The following RHBDD1 variants were observed in gnomAD, a reference collection of about 807,000 sequenced individuals.
RHBDD1 encodes the protein rhomboid-related protein 4.
A neutral mutation model predicts 36.3 loss-of-function variants in RHBDD1; 38 were observed. The ratio of observed to expected loss-of-function variants is 1.05; its 90% CI spans 0.81 to 1.37. The LOEUF (loss-of-function observed/expected upper bound fraction) is 1.37, where lower values mean the gene tolerates loss of function less well. RHBDD1 is among the 40% of genes most tolerant of loss of function. RHBDD1 has a pLI of 0.00. For missense variants in RHBDD1, 393 were observed against 377.6 expected, an observed-to-expected ratio of 1.04 and a Z score of -0.34; for synonymous variants, 151 against 136.5, an observed-to-expected ratio of 1.11 and a Z score of -0.74.
chr2:226,887,664 G>C (rs968515694), intron 5 of RHBDD1, among the ~76,000 whole-genome samples: 4 of 152,236 alleles, frequency 2.6e-5, no homozygotes, highest in Non-Finnish European at 5.9e-5. Flanking sequence ...TTTTATAGAT[G>C]TTGAAAATGC....
upstream of RHBDD1, among the ~76,000 whole-genome samples, chr2:226,830,882 C>G (rs1022037816): frequency 2.6e-5 from 4 of 152,148 alleles, no homozygotes; most frequent in Non-Finnish European, 5.9e-5. Flanking sequence ...CTTGCCCAAG[C>G]TGGTCTCAAA....
chr2:226,903,500 A>G (rs1244702597), intron 5 of RHBDD1, among the ~76,000 whole-genome samples: 1 of 152,188 alleles, frequency 6.6e-6, no homozygotes. Context: ...GGTTTCAGCC[A>G]TCCAGTTGGG....
intron 3 of RHBDD1, among the ~76,000 whole-genome samples, chr2:226,863,205 G>T (rs1944016495): frequency 6.6e-6 from 1 of 152,174 alleles, no homozygotes; most frequent in Admixed American, 6.5e-5. Flanking sequence ...CAGGCATGGT[G>T]ACACATGCCT....
chr2:226,854,600 C>CGAA (rs984644092), intron 3 of RHBDD1, among the ~76,000 whole-genome samples: 2 of 71,704 alleles, frequency 2.8e-5, no homozygotes, highest in African/African-American at 2.6e-4. Flanking sequence ...GACTCTGTTT[C>CGAA]GAAAAAAAAA....
chr2:226,877,976 TA>T (rs143301264), intron 5 of RHBDD1, among the ~76,000 whole-genome samples: 7,546 of 151,860 alleles, frequency 0.05, 591 homozygotes, highest in African/African-American at 0.17. Context: ...TGGTTTTTCT[TA>T]AAAAAAAGGG....
intron 7 of RHBDD1, among the ~76,000 whole-genome samples, chr2:226,911,046 C>G (rs904345224): frequency 6.6e-6 from 1 of 152,110 alleles, no homozygotes; most frequent in Non-Finnish European, 1.5e-5. Flanking sequence ...CATTGAAGAA[C>G]TGCCAGATTA....
chr2:226,910,754 G>C (rs921069307), intron 7 of RHBDD1, among the ~76,000 whole-genome samples: 1 of 151,892 alleles, frequency 6.6e-6, no homozygotes, highest in Non-Finnish European at 1.5e-5. Flanking sequence ...GTTTTTCCAG[G>C]AATGTTTATT....
chr2:226,807,888 C>A, the RHBDD1 span, among the ~76,000 whole-genome samples: 1 of 152,076 alleles, frequency 6.6e-6, no homozygotes, highest in Non-Finnish European at 1.5e-5. Flanking sequence ...GTGGCAGGCA[C>A]CTGTAGTCCC....
chr2:226,806,140 G>GAAA, the RHBDD1 span, among the ~76,000 whole-genome samples: 1 of 143,756 alleles, frequency 7.0e-6, no homozygotes, highest in African/African-American at 2.8e-5. Flanking sequence ...TTTATTTTAA[G>GAAA]AAAGAAAAAA....
intron 5 of RHBDD1, among the ~76,000 whole-genome samples, chr2:226,892,085 T>C (rs1946735934): frequency 6.6e-6 from 1 of 152,218 alleles, no homozygotes; most frequent in African/African-American, 2.4e-5. Flanking sequence ...GTGACTTTTG[T>C]TCACAAATGT....
chr2:226,911,468 T>A (rs1948509891), intron 7 of RHBDD1, among the ~76,000 whole-genome samples: 1 of 152,094 alleles, frequency 6.6e-6, no homozygotes, highest in African/African-American at 2.4e-5. Context: ...GCAGAATGGT[T>A]GCCACTTTCT....
chr2:226,879,300 A>G (rs1273307283), intron 5 of RHBDD1, among the ~76,000 whole-genome samples: 2 of 152,196 alleles, frequency 1.3e-5, no homozygotes, highest in Non-Finnish European at 2.9e-5. Flanking sequence ...AGTATCATTT[A>G]TTGCCTTCAG....
intron 5 of RHBDD1, among the ~76,000 whole-genome samples, chr2:226,898,099 G>C (rs9288617): frequency 0.44 from 66,143 of 151,960 alleles, 14,586 homozygotes; most frequent in South Asian, 0.5. Context: ...TGAGAGATCT[G>C]CCCTCATGAC....
chr2:226,844,178 C>G (rs998154946), intron 3 of RHBDD1, among the ~76,000 whole-genome samples: 8 of 152,174 alleles, frequency 5.3e-5, no homozygotes, highest in Admixed American at 4.6e-4. Context: ...CATAGTTTCT[C>G]AGCACAACTT....
chr2:226,963,952 T>C (rs10176040), intron 8 of RHBDD1, among the ~76,000 whole-genome samples: 2,842 of 152,160 alleles, frequency 0.019, 89 homozygotes, highest in African/African-American at 0.065. Flanking sequence ...CTTCTTCCCT[T>C]ATCAAAAGCT....
chr2:226,847,756 T>A (rs1163042717), intron 3 of RHBDD1, among the ~76,000 whole-genome samples: 1 of 152,242 alleles, frequency 6.6e-6, no homozygotes, highest in Non-Finnish European at 1.5e-5. Context: ...GAACTGACCA[T>A]GCAGCTTTCA....
chr2:226,933,254 G>T (rs1950141562), intron 8 of RHBDD1, among the ~76,000 whole-genome samples: 1 of 152,076 alleles, frequency 6.6e-6, no homozygotes, highest in Non-Finnish European at 1.5e-5. Context: ...CTTCTTTCAG[G>T]CATGTAAGGC....
Position 226,860,015 on chromosome 2 carries a change from A to G in RHBDD1, c.-90-4589A>G, listed in dbSNP as rs182024640. ...CTAGAAAGAAGTAGATTGATAAAAA[A>G]AAACTGTTTGGAAGAATTAATAAAA... is the stretch of plus-strand genomic sequence containing the variant. On this transcript the variant is annotated intron_variant, in intron 3 of 8. Coordinates refer to ENST00000392062, the MANE Select transcript of RHBDD1 (RefSeq NM_001167608.3). Among the ~76,000 whole-genome samples, 6 of 152,340 alleles carry G rather than the reference A, an allele frequency of 3.9e-5. No individual in the cohort carries two copies. In the East Asian group the frequency reaches 7.7e-4, roughly 20 times the overall value.
intron 7 of RHBDD1, among the ~76,000 whole-genome samples, 173 bp downstream of exon 7, chr2:226,909,051 A>G (rs1383413341): frequency 6.6e-6 from 1 of 152,074 alleles, no homozygotes. Flanking sequence ...CCTAGGGAGC[A>G]TATTTGTGGG....
Sources: allele counts gnomAD v4.1 joint callset (sites outside exome capture counted in the v4.1 genomes callset), GRCh38; gene constraint gnomAD v4.1.1; transcripts MANE v1.5; gene names NCBI Gene and HGNC (gene_info 2026-07-23, HGNC 2026-07-21).